The following MICAL3 variants were observed in gnomAD, a reference collection of about 807,000 sequenced individuals.
MICAL3 encodes the protein [F-actin]-monooxygenase MICAL3.
MICAL3 carries 62 observed loss-of-function variants against 207.4 expected under a neutral mutation model. The ratio of observed to expected loss-of-function variants is 0.30; its 90% CI spans 0.24 to 0.37. The LOEUF is 0.37. Ranked by LOEUF, MICAL3 falls within the 10% of genes least tolerant of loss-of-function variation. The pLI, the probability that MICAL3 is intolerant of heterozygous loss-of-function variation, is 1.00. For synonymous variants in MICAL3, 1,077 were observed against 1,069.3 expected, an observed-to-expected ratio of 1.01 and a Z score of -0.14; for missense variants, 2,368 against 2,635.6, an observed-to-expected ratio of 0.90 and a Z score of 2.22.
chr22:17,813,384 G>C (rs543970800), intron 27 of MICAL3: 8 of 152,210 alleles, frequency 5.3e-5, no homozygotes, highest in African/African-American at 1.7e-4. Context: ...GCTCCCTGTT[G>C]CTCCATCCAT....
intron 29 of MICAL3, among the ~76,000 whole-genome samples, chr22:17,801,589 G>A (rs898645058): frequency 1.6e-4 from 25 of 152,116 alleles, no homozygotes; most frequent in African/African-American, 4.1e-4. Context: ...GAGCAAGGGC[G>A]GGTAAAGAAA....
intron 1 of MICAL3, among the ~76,000 whole-genome samples, chr22:17,917,720 T>A (rs1426687759): frequency 6.6e-6 from 1 of 152,162 alleles, no homozygotes; most frequent in Non-Finnish European, 1.5e-5. Context: ...AAGGCCTCCC[T>A]GGGCGGGGCT....
rs1927782569 is a variant in MICAL3, at chr22:17,872,104, G to C, written c.2242-81C>G. On this transcript the variant is annotated intron_variant, in intron 16 of 31. Transcript: ENST00000441493. ...CCCTCCTAGAGGCACAGCCTTGCGAGAGCAAAGCCAACCCTCACTAAGGGG... is the reference window on the plus strand; with the variant it reads ...CCCTCCTAGAGGCACAGCCTTGCGACAGCAAAGCCAACCCTCACTAAGGGG... The C allele has an allele frequency of 4.0e-6, 5 of 1,256,528 alleles. No individual in the cohort carries two copies. In the Admixed American group the frequency reaches 1.1e-4, roughly 29 times the overall value. The allele number at this position is 1,256,528 out of a possible 1,614,324, so 77.8% of individuals were successfully genotyped here. A position where few individuals can be genotyped will look rare whatever the true frequency, so the allele number is the denominator to read the frequency against.
At chr22:17,875,700 A>T (rs981786323) in intron 16 of MICAL3, 1 of 466,812 alleles carries the variant, frequency 2.1e-6, no homozygotes, top group South Asian at 2.6e-5. Flanking sequence ...AAAAAAAAAA[A>T]AAAGTAGCTC....
At chr22:17,903,690 C>A (rs1248183175) in intron 3 of MICAL3, among the ~76,000 whole-genome samples, 2 of 152,160 alleles carry the variant, frequency 1.3e-5, no homozygotes, top group African/African-American at 4.8e-5. Context: ...AACTGTGGGT[C>A]CCAAGATGCT....
At position 17,968,678 on chromosome 22, in the gene MICAL3, C is replaced by T. The variant is rs532142416; in HGVS notation, c.-75+55603G>A. Among the ~76,000 whole-genome samples the T allele has an allele frequency of 3.9e-5, 6 of 152,170 alleles. No individual in the cohort carries two copies. The East Asian group carries it at 1.2e-3, about 29-fold the overall frequency. Reference sequence around the variant, plus strand: ...CACAACCACTAATGCCCCAACGAGCCGCTGAAAGAAAGGCCGGTTCCACAC... The same window carrying T: ...CACAACCACTAATGCCCCAACGAGCTGCTGAAAGAAAGGCCGGTTCCACAC... On this transcript the variant is annotated intron_variant, in intron 1 of 31. Coordinates refer to ENST00000441493, the MANE Select transcript of MICAL3 (RefSeq NM_015241.3).
intron 19 of MICAL3, chr22:17,864,386 C>G: frequency 7.5e-7 from 1 of 1,328,322 alleles, no homozygotes; most frequent in Non-Finnish European, 9.7e-7. Context: ...TGACAGGGAA[C>G]AGGACGCAGA....
chr22:17,827,733 T>C lies in MICAL3; in HGVS notation c.3104A>G (p.Glu1035Gly). The C allele has an allele frequency of 6.4e-7, 1 of 1,567,898 alleles. No homozygotes were observed. Among genetic ancestry groups the C allele is most frequent in the East Asian group, 2.4e-5 (1 of 42,056 alleles). Residue 1035 changes from glutamate to glycine, a missense_variant, in exon 22 of 32, where the codon GAG (glutamate) becomes GGG (glycine). Glu to Gly is a moderately conservative substitution (Grantham distance 98, BLOSUM62 -2). This residue lies in a region of MICAL3 where 1,770 missense variants were observed against 1,863.2 expected (regional missense o/e 0.95). Transcript: ENST00000441493. Reference protein sequence around the residue: ...QQVMHAADPLEIQADVHWTHI... With the variant: ...QQVMHAADPLGIQADVHWTHI... ...AGTCCAGTGCACGTCAGCCTGGATC[T>C]CCAGAGGATCCGCCGCGTGCATGAC... is the stretch of plus-strand genomic sequence containing the variant.
intron 1 of MICAL3, among the ~76,000 whole-genome samples, chr22:17,973,723 G>A (rs1222299816): frequency 6.6e-6 from 1 of 152,140 alleles, no homozygotes; most frequent in Admixed American, 6.5e-5. Flanking sequence ...GAGCCCGGGA[G>A]TTTGACACCA....
chr22:17,834,909 C>T (rs542083293), intron 20 of MICAL3, among the ~76,000 whole-genome samples: 1 of 152,348 alleles, frequency 6.6e-6, no homozygotes, highest in African/African-American at 2.4e-5. Context: ...CTTAAATCTT[C>T]GCTGGGCCAA....
At chr22:17,834,171 G>A (rs1013760115) in intron 20 of MICAL3, among the ~76,000 whole-genome samples, 4 of 152,164 alleles carry the variant, frequency 2.6e-5, no homozygotes, top group Non-Finnish European at 4.4e-5. Context: ...TCTGCTACTG[G>A]CTGGCTGTGT....
At chr22:17,904,610 C>A (rs377744146) in intron 3 of MICAL3, 22 bp downstream of exon 3, 5 of 1,590,220 alleles carry the variant, frequency 3.1e-6, no homozygotes, top group Non-Finnish European at 4.3e-6. Flanking sequence ...TGGAATCTTA[C>A]AGGAAAGCTA....
rs201122805 is a variant in MICAL3 at position 17,900,951 on chromosome 22, C to T, written c.738G>A (p.Thr246=). The T allele has an allele frequency of 1.6e-4, 265 of 1,613,994 alleles. 1 individual carries two copies. The African/African-American group carries it at 2.6e-3, about 16-fold the overall frequency. ...TTGTATTTCGGTTGATAAAATTTGC[C>T]GTGATGGCGATGGCCAGTTTGCCAC... is the stretch of plus-strand genomic sequence containing the variant. ...EFRGKLAIAI[T]ANFINRNTTA... The change falls in exon 6 of 32, where the codon ACG becomes ACA. Residue 246 remains threonine, a synonymous_variant. Coordinates refer to ENST00000441493, the MANE Select transcript of MICAL3 (RefSeq NM_015241.3). The surrounding 1 kb of genome is among the most constrained non-coding windows in gnomAD (Gnocchi z 4.0).
Position 17,851,197 on chromosome 22 carries a change from C to T in MICAL3, c.2606-9180G>A, listed in dbSNP as rs1349337374. Among the ~76,000 whole-genome samples the T allele has an allele frequency of 3.9e-5, 6 of 152,264 alleles. No homozygotes were observed. In the East Asian group the frequency reaches 7.7e-4, roughly 20 times the overall value. On this transcript the variant is annotated intron_variant, in intron 19 of 31. Coordinates refer to ENST00000441493, the MANE Select transcript of MICAL3 (RefSeq NM_015241.3). ...TGGTTCAAATACGTGGCTCGTGAACCGGGAGGTTCCATACAGTTACATAAC... is the reference window on the plus strand; with the variant it reads ...TGGTTCAAATACGTGGCTCGTGAACTGGGAGGTTCCATACAGTTACATAAC...
At chr22:17,996,134 TAAAAAAAAA>T (rs35369164) in intron 1 of MICAL3, among the ~76,000 whole-genome samples, 8 of 93,618 alleles carry the variant, frequency 8.5e-5, no homozygotes, top group Non-Finnish European at 1.7e-4. Flanking sequence ...TGTCTCAATT[TAAAAAAAAA>T]AAAAAAAAAA....
At position 17,790,688 on chromosome 22, in the gene MICAL3, TG is replaced by T; in HGVS notation, c.*43del. 6.5e-7 allele frequency: 1 copy of T among 1,536,390 alleles called. No homozygotes were observed. Among genetic ancestry groups the T allele is most frequent in the Non-Finnish European group, 8.8e-7 (1 of 1,136,680 alleles). On this transcript the variant is annotated 3_prime_UTR_variant, in exon 32 of 32. Transcript: ENST00000441493. ...TCCGGGTGGTTTGGATGCCACTGCC[TG>T]GCCAGGCGGATGCCAACAGAAAATG... is the stretch of plus-strand genomic sequence containing the variant.
Position 17,790,551 on chromosome 22 carries a change from C to T in MICAL3, c.*181G>A. On this transcript the variant is annotated 3_prime_UTR_variant, in exon 32 of 32. Transcript: ENST00000441493. ...CAGGAGGTGGAGCCGTCTCAGATAA[C>T]CACTGTCACCTGGGGCTCCCCACTG... The T allele has an allele frequency of 1.6e-6, 1 of 612,446 alleles. No individual in the cohort carries two copies. Among genetic ancestry groups the T allele is most frequent in the Non-Finnish European group, 2.8e-6 (1 of 351,094 alleles). 37.9% of individuals were successfully genotyped at this position (612,446 alleles called of 1,614,324 possible). A position where few individuals can be genotyped will look rare whatever the true frequency, so the allele number is the denominator to read the frequency against.
At chr22:17,860,368 A>C (rs1926384345) in intron 19 of MICAL3, 1 of 985,372 alleles carries the variant, frequency 1.0e-6, no homozygotes, top group South Asian at 4.7e-5. Flanking sequence ...GGCAGTAGAC[A>C]GGCAGCAGTG....
chr22:17,919,603 C>CA (rs1932752479), intron 1 of MICAL3, among the ~76,000 whole-genome samples: 1 of 152,232 alleles, frequency 6.6e-6, no homozygotes, highest in Admixed American at 6.5e-5. Context: ...TGCTTTCAGG[C>CA]AGTGGCACCA....
Sources: allele counts gnomAD v4.1 joint callset (sites outside exome capture counted in the v4.1 genomes callset), GRCh38; gene constraint gnomAD v4.1.1; regional missense constraint gnomAD v4.1.1; non-coding constraint Gnocchi (gnomAD v3.1); transcripts MANE v1.5; gene names NCBI Gene and HGNC (gene_info 2026-07-23, HGNC 2026-07-21).